The following GDAP1 variants were observed in gnomAD, a reference collection of about 807,000 sequenced individuals.
The protein encoded by GDAP1 is ganglioside-induced differentiation-associated protein 1.
In GDAP1, 34 loss-of-function variants were observed where a neutral mutation model predicts 40.1. That is an observed-to-expected ratio of 0.85 (90% CI 0.64 to 1.13). The LOEUF (loss-of-function observed/expected upper bound fraction) is 1.13. Ranked by LOEUF, GDAP1 falls within the 50% of genes most tolerant of loss-of-function variation. The pLI is 0.00. For synonymous variants in GDAP1, 170 were observed against 157.4 expected, an observed-to-expected ratio of 1.08 and a Z score of -0.60; for missense variants, 374 against 433.7, an observed-to-expected ratio of 0.86 and a Z score of 1.22.
In GDAP1 at chr8:74,356,707, T is replaced by C. The variant is rs561426834; in HGVS notation, c.311-3430T>C. Reference sequence around the variant, plus strand: ...GTGTGTGTGTTTGTGTGTGTGTATATATATATATATTTTTTTTTTTTTTTT... The same window carrying C: ...GTGTGTGTGTTTGTGTGTGTGTATACATATATATATTTTTTTTTTTTTTTT... On this transcript the variant is annotated intron_variant, in intron 2 of 5. Transcript: ENST00000220822. Among the ~76,000 whole-genome samples, 150 of 87,192 alleles carry C rather than the reference T, an allele frequency of 1.7e-3. 4 individuals are homozygous for C. The Middle Eastern group carries it at 0.018, about 10-fold the overall frequency. The allele number at this position is 87,192 out of a possible 152,430, so 57.2% of individuals were successfully genotyped here.
At chr8:74,371,880 C>T (rs1342363545) in intron 2 of GDAP1, among the ~76,000 whole-genome samples, 47 of 151,900 alleles carry the variant, frequency 3.1e-4, no homozygotes, top group African/African-American at 1.1e-3. Flanking sequence ...CCCATTAACT[C>T]GTCATTTACA....
intron 2 of GDAP1, among the ~76,000 whole-genome samples, chr8:74,396,160 A>C (rs190235066): frequency 1.3e-5 from 2 of 152,090 alleles, no homozygotes; most frequent in Admixed American, 6.6e-5. Context: ...TTTTTTGGGA[A>C]CTGGAAACAC....
At chr8:74,427,001 A>T (rs9650250) in intron 2 of GDAP1, among the ~76,000 whole-genome samples, 55,680 of 152,016 alleles carry the variant, frequency 0.37, 11,883 homozygotes, top group Non-Finnish European at 0.48. Context: ...TTGCATCCGT[A>T]CCTGTGTGTG....
At chr8:74,355,545 A>G (rs920980434) in intron 2 of GDAP1, among the ~76,000 whole-genome samples, 1 of 152,218 alleles carries the variant, frequency 6.6e-6, no homozygotes. Flanking sequence ...ATTAAGCTAG[A>G]TAAGGTATGA....
intron 2 of GDAP1, among the ~76,000 whole-genome samples, chr8:74,460,927 T>A (rs571713186): frequency 2.1e-3 from 324 of 152,298 alleles, no homozygotes; most frequent in African/African-American, 7.4e-3. Flanking sequence ...GCTTTTTGCT[T>A]TCTCTTCCCA....
chr8:74,436,544 TC>T (rs1806091009), intron 2 of GDAP1, among the ~76,000 whole-genome samples: 1 of 150,504 alleles, frequency 6.6e-6, no homozygotes, highest in African/African-American at 2.4e-5. Context: ...TGCCTCAGCC[TC>T]CCGAGTAGCT....
chr8:74,457,209 A>G lies in GDAP1; in HGVS notation c.166-31469A>G, dbSNP rs10957720. Among the ~76,000 whole-genome samples the G allele has an allele frequency of 5.5e-4, 84 of 152,214 alleles. No homozygotes were observed. The South Asian group carries it at 0.017, about 31-fold the overall frequency. On this transcript the variant is annotated intron_variant, in intron 2 of 2. Transcript: ENST00000523640. ...AGGCTGAGGGAATAATTTCTAAGTG[A>G]GTGACAGAAAACTGTACCCTTTCCG...
chr8:74,438,256 G>A (rs553760534), intron 2 of GDAP1, among the ~76,000 whole-genome samples: 27 of 152,090 alleles, frequency 1.8e-4, no homozygotes, highest in Admixed American at 1.6e-3. Flanking sequence ...ACGACAGAGC[G>A]AAACTCCATC....
At position 74,405,130 on chromosome 8, in the gene GDAP1, G is replaced by GAAAGGAAGAGCA. The variant is rs985238592; in HGVS notation, c.165+53816_165+53827dup. On this transcript the variant is annotated intron_variant, in intron 2 of 2. Coordinates refer to the GDAP1 transcript ENST00000523640. ...GAGGCCTCACAGTCATGGCAGAAGA[G>GAAAGGAAGAGCA]AAAGGAAGAGCAAAAGGACGTCATA... 4.7e-5 allele frequency among the ~76,000 whole-genome samples: 7 copies of GAAAGGAAGAGCA among 150,126 alleles called. 2 individuals are homozygous for GAAAGGAAGAGCA. Among genetic ancestry groups the GAAAGGAAGAGCA allele is most frequent in the Admixed American group, 4.6e-4 (7 of 15,248 alleles).
At chr8:74,382,275 G>C (rs58601612) in intron 2 of GDAP1, among the ~76,000 whole-genome samples, 1 of 151,314 alleles carries the variant, frequency 6.6e-6, no homozygotes, top group South Asian at 2.1e-4. Flanking sequence ...CTTCATGCTC[G>C]TGTTTTACAT....
Position 74,401,739 on chromosome 8 carries a change from A to G in GDAP1, c.165+50418A>G, listed in dbSNP as rs971639897. On this transcript the variant is annotated intron_variant, in intron 2 of 2. Transcript: ENST00000523640. ...ATGTACAGATGGGTTTTTGGTGTGG[A>G]TGTCCTTTCTGTTTGTTAGTTTTCC... is the stretch of plus-strand genomic sequence containing the variant. 6.0e-3 allele frequency among the ~76,000 whole-genome samples: 897 copies of G among 149,784 alleles called. 100 individuals carry two copies. Among genetic ancestry groups the G allele is most frequent in the African/African-American group, 0.022 (865 of 39,216 alleles).
chr8:74,407,948 T>A (rs890482569), intron 2 of GDAP1, among the ~76,000 whole-genome samples: 1 of 150,038 alleles, frequency 6.7e-6, no homozygotes, highest in Non-Finnish European at 1.5e-5. Context: ...AAAACTCCCT[T>A]AAAACACCAA....
At chr8:74,401,867 C>T (rs912418597) in intron 2 of GDAP1, among the ~76,000 whole-genome samples, 4 of 149,932 alleles carry the variant, frequency 2.7e-5, no homozygotes, top group Non-Finnish European at 5.9e-5. Context: ...TGCAGAACAG[C>T]GGATTTTCTT....
chr8:74,369,953 C>T (rs879867237), downstream of GDAP1, among the ~76,000 whole-genome samples: 3 of 152,042 alleles, frequency 2.0e-5, no homozygotes, highest in Non-Finnish European at 2.9e-5. Context: ...CCTGCCAATT[C>T]AAAATTTTAT....
intron 2 of GDAP1, among the ~76,000 whole-genome samples, chr8:74,478,354 A>C (rs1586847860): frequency 6.6e-6 from 1 of 152,200 alleles, no homozygotes; most frequent in East Asian, 1.9e-4. Context: ...ATGCAGGCAA[A>C]GTGGCAGGTG....
At chr8:74,384,814 A>G (rs1810002474) in intron 2 of GDAP1, among the ~76,000 whole-genome samples, 1 of 152,178 alleles carries the variant, frequency 6.6e-6, no homozygotes, top group Admixed American at 6.6e-5. Context: ...TTATGTCTTG[A>G]GTAAAATCCA....
At chr8:74,428,197 A>G (rs1336681929) in intron 2 of GDAP1, among the ~76,000 whole-genome samples, 4 of 151,778 alleles carry the variant, frequency 2.6e-5, no homozygotes, top group Admixed American at 2.6e-4. Flanking sequence ...GCTCAAGACC[A>G]GCCTGGGCCA....
chr8:74,476,742 G>A (rs1003698016), intron 2 of GDAP1, among the ~76,000 whole-genome samples: 1 of 152,106 alleles, frequency 6.6e-6, no homozygotes, highest in Non-Finnish European at 1.5e-5. Context: ...AGCTTGGAGA[G>A]TCTGATGATT....
chr8:74,477,344 G>A (rs1351293045), intron 2 of GDAP1, among the ~76,000 whole-genome samples: 1 of 152,162 alleles, frequency 6.6e-6, no homozygotes, highest in African/African-American at 2.4e-5. Context: ...TACTAGTGCA[G>A]TTGCTTGGAG....
Sources: allele counts gnomAD v4.1 joint callset (sites outside exome capture counted in the v4.1 genomes callset), GRCh38; gene constraint gnomAD v4.1.1; transcripts MANE v1.5; gene names NCBI Gene and HGNC (gene_info 2026-07-23, HGNC 2026-07-21).